Variants in TANC2 observed in about 807,000 individuals in gnomAD.
TANC2 encodes tetratricopeptide repeat, ankyrin repeat and coiled-coil containing 2.
A neutral mutation model predicts 210.5 loss-of-function variants in TANC2; 26 were observed. The observed-to-expected ratio is 0.12, with a 90% CI of 0.09 to 0.17. TANC2 has a LOEUF of 0.17. Among genes scored for constraint, TANC2 ranks in the 10% least tolerant of loss-of-function variants. The pLI is 1.00. For synonymous variants in TANC2, 931 were observed against 967.1 expected, an observed-to-expected ratio of 0.96 and a Z score of 0.69; for missense variants, 2,129 against 2,608.9, an observed-to-expected ratio of 0.82 and a Z score of 4.01.
chr17:63,059,768 C>G (rs1439870485), intron 2 of TANC2, among the ~76,000 whole-genome samples: 1 of 151,986 alleles, frequency 6.6e-6, no homozygotes, highest in African/African-American at 2.4e-5. Flanking sequence ...TTGACATGAC[C>G]ATAATTGAGA....
At chr17:63,223,868 A>C (rs935557719) in intron 7 of TANC2, among the ~76,000 whole-genome samples, 9 of 151,988 alleles carry the variant, frequency 5.9e-5, no homozygotes, top group African/African-American at 2.2e-4. Flanking sequence ...TCCTACCTCA[A>C]CTTTAAAGTG....
intron 7 of TANC2, among the ~76,000 whole-genome samples, chr17:63,233,928 A>G (rs1428671823): frequency 6.6e-6 from 1 of 152,202 alleles, no homozygotes; most frequent in Non-Finnish European, 1.5e-5. Flanking sequence ...CCTTTCTCAT[A>G]AAGCAAACCT....
chr17:63,397,986 A>G (rs909975893), intron 18 of TANC2, among the ~76,000 whole-genome samples: 1 of 152,222 alleles, frequency 6.6e-6, no homozygotes, highest in African/African-American at 2.4e-5. Context: ...GTGTTAAGTA[A>G]TATTAAATTT....
intron 2 of TANC2, among the ~76,000 whole-genome samples, chr17:63,062,446 C>G (rs570081082): frequency 6.6e-6 from 1 of 152,294 alleles, no homozygotes; most frequent in East Asian, 1.9e-4. Context: ...CTTGGCACAT[C>G]AGTTTCAAGA....
chr17:63,303,761 T>C (rs1295287771), intron 9 of TANC2, among the ~76,000 whole-genome samples: 1 of 152,136 alleles, frequency 6.6e-6, no homozygotes, highest in African/African-American at 2.4e-5. Context: ...TCTTTTTACA[T>C]AGTCCCATAT....
intron 4 of TANC2, among the ~76,000 whole-genome samples, chr17:63,115,567 T>C (rs543822674): frequency 1.3e-5 from 2 of 152,204 alleles, no homozygotes; most frequent in African/African-American, 2.4e-5. Flanking sequence ...GTGAAAAGTA[T>C]ATGCAGTGTG....
intron 2 of TANC2, among the ~76,000 whole-genome samples, chr17:63,044,270 C>T (rs1030113985): frequency 1.3e-5 from 2 of 152,066 alleles, no homozygotes; most frequent in African/African-American, 4.8e-5. Flanking sequence ...GTTTGAATCT[C>T]CTTTATCAGA....
intron 25 of TANC2, among the ~76,000 whole-genome samples, chr17:63,413,991 A>G (rs981750573): frequency 6.6e-5 from 10 of 152,252 alleles, no homozygotes; most frequent in African/African-American, 1.7e-4. Context: ...CCTAGCTTTC[A>G]TATGTCATAA....
intron 1 of TANC2, among the ~76,000 whole-genome samples, chr17:63,001,824 A>G (rs1168913742): frequency 2.0e-5 from 3 of 152,190 alleles, no homozygotes; most frequent in Admixed American, 6.5e-5. Flanking sequence ...TTGAGATTAC[A>G]GGTATAAGCC....
chr17:63,065,272 A>C (rs1184974943), intron 2 of TANC2, among the ~76,000 whole-genome samples: 1 of 152,222 alleles, frequency 6.6e-6, no homozygotes, highest in Non-Finnish European at 1.5e-5. Context: ...ATTCACCCAC[A>C]CATTCACCAC....
intron 4 of TANC2, among the ~76,000 whole-genome samples, chr17:63,122,435 T>C (rs2038520810): frequency 6.6e-6 from 1 of 152,168 alleles, no homozygotes; most frequent in African/African-American, 2.4e-5. Flanking sequence ...ATCTTAGCAC[T>C]CCAGAAGATA....
At chr17:63,079,485 G>A (rs2036691633) in intron 3 of TANC2, among the ~76,000 whole-genome samples, 1 of 152,116 alleles carries the variant, frequency 6.6e-6, no homozygotes, top group African/African-American at 2.4e-5. Context: ...GTTACATTCA[G>A]TTAAGGCATA....
intron 14 of TANC2, among the ~76,000 whole-genome samples, chr17:63,368,456 A>G (rs2047171902): frequency 1.3e-5 from 2 of 152,218 alleles, no homozygotes; most frequent in South Asian, 4.1e-4. Context: ...ATAGTACTAA[A>G]CGAGATCACC....
intron 11 of TANC2, among the ~76,000 whole-genome samples, chr17:63,324,781 TTCC>T (rs2045594882): frequency 6.6e-6 from 1 of 152,156 alleles, no homozygotes; most frequent in Non-Finnish European, 1.5e-5. Context: ...TTTCTACCTC[TTCC>T]ACTAGAATGG....
intron 4 of TANC2, among the ~76,000 whole-genome samples, chr17:63,101,243 G>T (rs1330608533): frequency 6.6e-6 from 1 of 152,058 alleles, no homozygotes; most frequent in Non-Finnish European, 1.5e-5. Flanking sequence ...GTAAGTAAAA[G>T]GAAAGTTGAA....
chr17:63,360,214 G>A (rs2046917676), intron 14 of TANC2, among the ~76,000 whole-genome samples: 1 of 152,192 alleles, frequency 6.6e-6, no homozygotes, highest in East Asian at 1.9e-4. Flanking sequence ...GAGCCTCCAG[G>A]CAAGATGACA....
At chr17:63,039,566 G>A (rs535356688) in intron 2 of TANC2, among the ~76,000 whole-genome samples, 2 of 152,288 alleles carry the variant, frequency 1.3e-5, no homozygotes, top group African/African-American at 4.8e-5. Flanking sequence ...CTTCACTGCT[G>A]TTCTGACAAT....
At chr17:63,063,300 G>A (rs1295510356) in intron 2 of TANC2, among the ~76,000 whole-genome samples, 10 of 152,160 alleles carry the variant, frequency 6.6e-5, no homozygotes, top group South Asian at 4.2e-4. Flanking sequence ...TGGCGGCTTC[G>A]TCACGTAGGC....
rs78452187 is a variant in TANC2 at position 63,385,714 on chromosome 17, A to G, written c.2692-2921A>G. ...AGCTCTGGGTGCCTACATGGGTACT[A>G]TAGTAGACAGATTCAGAACAGAGCC... On this transcript the variant is annotated intron_variant, in intron 15 of 27. Transcript: ENST00000689528. Among the ~76,000 whole-genome samples, 668 of 152,306 alleles carry G rather than the reference A, an allele frequency of 4.4e-3. 6 individuals are homozygous for G. The highest frequency in any genetic ancestry group is 0.014 in the African/African-American group (582 of 41,570).
Sources: gnomAD v4.1 joint callset for allele counts (sites outside exome capture counted in the v4.1 genomes callset) on GRCh38, gnomAD v4.1.1 for gene constraint, MANE v1.5 for transcripts, NCBI Gene and HGNC (gene_info 2026-07-23, HGNC 2026-07-21) for gene names.